The following WDR64 variants were observed in gnomAD, a reference collection of about 807,000 sequenced individuals.
WDR64 encodes the protein WD repeat domain 64.
WDR64 carries 112 observed loss-of-function variants against 139.3 expected under a neutral mutation model. That is an observed-to-expected ratio of 0.80 (90% CI 0.69 to 0.94). The LOEUF is 0.94. Ranked by LOEUF, WDR64 falls within the 40% of genes least tolerant of loss-of-function variation. The pLI is 0.00. For synonymous variants in WDR64, 444 were observed against 437.7 expected (o/e 1.01, Z -0.18); for missense variants, 1,206 against 1,293.1 (o/e 0.93, Z 1.03).
In WDR64 at chr1:241,738,459, T is replaced by C; in HGVS notation, c.1291T>C (p.Tyr431His). 1.9e-6 allele frequency: 3 copies of C among 1,613,464 alleles called. No individual in the cohort carries two copies. Among genetic ancestry groups the C allele is most frequent in the East Asian group, 4.5e-5 (2 of 44,824 alleles). ...AGACATGCAGATTTACTCTATGATA[T>C]ATGATGCCAATCATGGCATGCTTAT... ...PGDMQIYSMI[Y>H]DANHGMLITG... Residue 431 changes from tyrosine (Y) to histidine (H), a missense_variant, in exon 11 of 28, where the codon TAT becomes CAT. By Grantham distance (83) the Tyr-to-His change is moderately conservative. Transcript: ENST00000437684.
intron 9 of WDR64, among the ~76,000 whole-genome samples, chr1:241,714,706 G>T (rs1000348785): frequency 2.0e-5 from 3 of 152,124 alleles, no homozygotes; most frequent in Non-Finnish European, 2.9e-5. Context: ...GTATTACAAA[G>T]ATAATATAGT....
chr1:241,789,687 T>C (rs1659156939), intron 24 of WDR64, among the ~76,000 whole-genome samples: 1 of 152,004 alleles, frequency 6.6e-6, no homozygotes, highest in Non-Finnish European at 1.5e-5. Context: ...TGAGAACAAG[T>C]GGACACACAG....
At chr1:241,759,696 TC>T (rs1381875916) in intron 15 of WDR64, among the ~76,000 whole-genome samples, 9 of 152,148 alleles carry the variant, frequency 5.9e-5, no homozygotes, top group Non-Finnish European at 1.2e-4. Flanking sequence ...TCTTCACCTT[TC>T]TTTTTTTTTA....
chr1:241,750,586 T>C (rs1314756054), intron 14 of WDR64, among the ~76,000 whole-genome samples: 2 of 152,238 alleles, frequency 1.3e-5, no homozygotes, highest in Non-Finnish European at 2.9e-5. Context: ...AAAGTGCCAT[T>C]GTTCATCAGG....
chr1:241,783,707 G>A (rs565857743), intron 23 of WDR64, among the ~76,000 whole-genome samples: 1 of 152,106 alleles, frequency 6.6e-6, no homozygotes, highest in Non-Finnish European at 1.5e-5. Context: ...AGTCATAGAG[G>A]GGGGCTCAGA....
At chr1:241,726,335 C>T (rs549183529) in intron 10 of WDR64, among the ~76,000 whole-genome samples, 55 of 151,996 alleles carry the variant, frequency 3.6e-4, no homozygotes, top group Non-Finnish European at 7.2e-4. Context: ...TTTGGGAGGT[C>T]AAGGTGGGAG....
At chr1:241,660,812 T>C (rs910571770) in intron 2 of WDR64, 152 bp downstream of exon 2, 10 of 744,942 alleles carry the variant, frequency 1.3e-5, no homozygotes, top group Non-Finnish European at 2.1e-5. Flanking sequence ...ACATGGCCAC[T>C]GCCCACAAAT....
intron 19 of WDR64, 29 bp downstream of exon 19, chr1:241,771,726 T>C (rs758160882): frequency 6.4e-6 from 9 of 1,407,146 alleles, no homozygotes; most frequent in African/African-American, 1.5e-5. Context: ...CTCTTCTTTA[T>C]AATAAAGCAA....
chr1:241,800,560 T>C (rs1214213278), intron 27 of WDR64, among the ~76,000 whole-genome samples: 2 of 152,110 alleles, frequency 1.3e-5, no homozygotes, highest in Non-Finnish European at 2.9e-5. Flanking sequence ...GATGGGAGGA[T>C]TGCTTGAGCC....
intron 7 of WDR64, among the ~76,000 whole-genome samples, chr1:241,685,407 T>C (rs1666966574): frequency 6.6e-6 from 1 of 151,952 alleles, no homozygotes; most frequent in African/African-American, 2.4e-5. Flanking sequence ...TAATTTTTTA[T>C]GTATATATGA....
At chr1:241,663,269 A>G (rs1339125145) in intron 2 of WDR64, among the ~76,000 whole-genome samples, 2 of 152,230 alleles carry the variant, frequency 1.3e-5, no homozygotes, top group Non-Finnish European at 2.9e-5. Flanking sequence ...TTGCTGTTTC[A>G]CACGGAAATG....
intron 15 of WDR64, among the ~76,000 whole-genome samples, chr1:241,763,468 G>A (rs1383192164): frequency 2.0e-5 from 3 of 152,212 alleles, no homozygotes; most frequent in African/African-American, 4.8e-5. Context: ...CCGGCACTTT[G>A]GGAGGCCAAG....
At chr1:241,763,342 AT>A (rs979225460) in intron 15 of WDR64, among the ~76,000 whole-genome samples, 2 of 152,160 alleles carry the variant, frequency 1.3e-5, no homozygotes, top group Non-Finnish European at 2.9e-5. Context: ...TTGAATCTTT[AT>A]TTTTTGTAGT....
In WDR64 at chr1:241,674,568, T is replaced by TA. The variant is rs982748567; in HGVS notation, c.380-69dup. ...CTTGTGCCCTGGCCATATCATTTTT[T>TA]AAAAAAACAAATCTAACAAATGAGT... On this transcript the variant is annotated intron_variant, in intron 3 of 27. Transcript: ENST00000437684. 1.1e-5 allele frequency: 11 copies of TA among 979,170 alleles called. No homozygotes were observed. In the South Asian group the frequency reaches 1.6e-4, roughly 14 times the overall value. 60.7% of individuals were successfully genotyped at this position (979,170 alleles called of 1,614,324 possible). A position where few individuals can be genotyped will look rare whatever the true frequency, so the allele number is the denominator to read the frequency against.
chr1:241,695,034 T>C (rs1417351736), intron 8 of WDR64, among the ~76,000 whole-genome samples: 1 of 152,186 alleles, frequency 6.6e-6, no homozygotes, highest in Non-Finnish European at 1.5e-5. Flanking sequence ...TGAGAGTTGA[T>C]TGTTAAAATT....
At chr1:241,740,015 T>A (rs1355417080) in intron 11 of WDR64, among the ~76,000 whole-genome samples, 5 of 152,242 alleles carry the variant, frequency 3.3e-5, no homozygotes, top group African/African-American at 1.2e-4. Flanking sequence ...ACCATTACAA[T>A]CATCTATTTT....
At chr1:241,684,399 A>G (rs1666929991) in intron 7 of WDR64, among the ~76,000 whole-genome samples, 1 of 152,226 alleles carries the variant, frequency 6.6e-6, no homozygotes. Context: ...TCCCCAACTG[A>G]TAATTATCAT....
At chr1:241,793,213 G>A (rs1156797803) in intron 25 of WDR64, among the ~76,000 whole-genome samples, 4 of 152,100 alleles carry the variant, frequency 2.6e-5, no homozygotes, top group Non-Finnish European at 5.9e-5. Context: ...ACATGTATAA[G>A]GTAAAATTAT....
intron 6 of WDR64, among the ~76,000 whole-genome samples, chr1:241,680,011 G>A (rs1342762043): frequency 6.6e-6 from 1 of 152,164 alleles, no homozygotes; most frequent in African/African-American, 2.4e-5. Flanking sequence ...TTCAGTGGCT[G>A]AGATGTTACT....
Sources: allele counts gnomAD v4.1 joint callset (sites outside exome capture counted in the v4.1 genomes callset), GRCh38; gene constraint gnomAD v4.1.1; transcripts MANE v1.5; gene names NCBI Gene and HGNC (gene_info 2026-07-23, HGNC 2026-07-21).